The following ACSL6 variants were observed in gnomAD, a reference collection of about 807,000 sequenced individuals.
The protein encoded by ACSL6 is long-chain-fatty-acid--CoA ligase 6.
ACSL6 carries 47 observed loss-of-function variants against 98.2 expected under a neutral mutation model. That is an observed-to-expected ratio of 0.48 (90% confidence interval 0.38 to 0.61). The LOEUF (loss-of-function observed/expected upper bound fraction) is 0.61. Among genes scored for constraint, ACSL6 ranks in the 20% least tolerant of loss-of-function variants. The pLI, the probability that ACSL6 is intolerant of heterozygous loss-of-function variation, is 0.00. For synonymous variants in ACSL6, 362 were observed against 336.9 expected (o/e 1.07, Z -0.82); for missense variants, 761 against 913.4 (o/e 0.83, Z 2.15).
intron 2 of ACSL6, among the ~76,000 whole-genome samples, chr5:131,992,395 T>TG (rs1754573127): frequency 6.6e-6 from 1 of 152,174 alleles, no homozygotes; most frequent in African/African-American, 2.4e-5. Flanking sequence ...CTGTCTGATC[T>TG]GGGCCCCTCT....
intron 20 of ACSL6, 144 bp from the exon 21 acceptor site, chr5:131,954,515 T>C: frequency 1.0e-6 from 1 of 965,542 alleles, no homozygotes; most frequent in East Asian, 3.0e-5. Context: ...TGAGAACATT[T>C]CAGCCTATTT....
intron 19 of ACSL6, 47 bp downstream of exon 19, chr5:131,960,473 C>A: frequency 6.6e-7 from 1 of 1,514,104 alleles, no homozygotes; most frequent in South Asian, 1.2e-5. Context: ...TATGTGGTAC[C>A]ATAAAACATT....
At position 131,975,362 on chromosome 5, in the gene ACSL6, C is replaced by T. The variant is rs147532037; in HGVS notation, c.991-392G>A. 8.4e-4 allele frequency: 824 copies of T among 985,402 alleles called. 7 individuals carry two copies. The African/African-American group carries it at 0.013, about 16-fold the overall frequency. 61.0% of individuals were successfully genotyped at this position (985,402 alleles called of 1,614,324 possible). A position where few individuals can be genotyped will look rare whatever the true frequency, so the allele number is the denominator to read the frequency against. ...CACTTGCAGTCAGTCGGCTCTAGCC[C>T]GGCTCTCTCCCCTTCCTCCCCACAC... On this transcript the variant is annotated intron_variant, in intron 10 of 20. Coordinates refer to ENST00000651883, the MANE Select transcript of ACSL6 (RefSeq NM_001009185.3).
At chr5:131,983,043 T>C (rs1753986022) in intron 9 of ACSL6, 2 of 152,192 alleles carry the variant, frequency 1.3e-5, no homozygotes, top group South Asian at 4.1e-4. Context: ...ACACATAGAC[T>C]GAAAGTTATG....
At position 131,950,723 on chromosome 5, in the gene ACSL6, G is replaced by T; in HGVS notation, c.*3511C>A. The T allele has an allele frequency of 5.2e-6, 1 of 192,290 alleles. No individual in the cohort carries two copies. The allele number at this position is 192,290 out of a possible 1,614,324, so 11.9% of individuals were successfully genotyped here. On this transcript the variant is annotated 3_prime_UTR_variant, in exon 21 of 21. Transcript: ENST00000651883. Reference sequence around the variant, plus strand: ...TGCTTCATACATTTGGAAAATAAAGGATATTTCATTTTCTTTACTGCAGAA... The same window carrying T: ...TGCTTCATACATTTGGAAAATAAAGTATATTTCATTTTCTTTACTGCAGAA...
intron 6 of ACSL6, chr5:131,988,494 T>G: frequency 6.3e-7 from 1 of 1,586,248 alleles, no homozygotes; most frequent in Non-Finnish European, 8.6e-7. Flanking sequence ...CCCAGGTCTG[T>G]TTGAGATATT....
chr5:131,967,061 G>A (rs1753050206), intron 16 of ACSL6, among the ~76,000 whole-genome samples: 2 of 152,146 alleles, frequency 1.3e-5, no homozygotes, highest in South Asian at 4.1e-4. Context: ...TACAAAATTT[G>A]GGGCTGGGCA....
chr5:131,993,965 C>G, intron 2 of ACSL6, 66 bp downstream of exon 2: 3 of 1,538,654 alleles, frequency 1.9e-6, no homozygotes, highest in Non-Finnish European at 8.9e-7. Flanking sequence ...AGTCTGGCTT[C>G]TACTTCCAAG....
chr5:131,994,407 G>T, intron 1 of ACSL6, 156 bp from the exon 2 acceptor site: 3 of 642,410 alleles, frequency 4.7e-6, no homozygotes, highest in Non-Finnish European at 8.0e-6. Flanking sequence ...TGGCTACCTA[G>T]AAGGGCTTTT....
rs1442122281 is a variant in ACSL6 at position 131,952,676 on chromosome 5, A to G, written c.*1558T>C. On this transcript the variant is annotated 3_prime_UTR_variant, in exon 21 of 21. Coordinates refer to ENST00000651883, the MANE Select transcript of ACSL6 (RefSeq NM_001009185.3). ...TTGGAACTTAATTGCTGTCCATGGTATCTGGCCTTTAATTATAAGAAATTG... is the reference window on the plus strand; with the variant it reads ...TTGGAACTTAATTGCTGTCCATGGTGTCTGGCCTTTAATTATAAGAAATTG... 1 of 214,870 alleles carries G rather than the reference A, an allele frequency of 4.7e-6. No individual in the cohort carries two copies. The highest frequency in any genetic ancestry group is 9.4e-6 in the Non-Finnish European group (1 of 106,640). The allele number at this position is 214,870 out of a possible 1,614,324, so 13.3% of individuals were successfully genotyped here. A position where few individuals can be genotyped will look rare whatever the true frequency, so the allele number is the denominator to read the frequency against.
chr5:132,011,615 C>T lies in ACSL6; in HGVS notation c.-62G>A, dbSNP rs957266916. 8.8e-5 allele frequency: 122 copies of T among 1,388,458 alleles called. No individual in the cohort carries two copies. Among genetic ancestry groups the T allele is most frequent in the Non-Finnish European group, 1.0e-4 (110 of 1,073,250 alleles). 86.0% of individuals were successfully genotyped at this position (1,388,458 alleles called of 1,614,324 possible). Reference sequence around the variant, plus strand: ...TCCCCGACCCGCAGCCCCGCAGCCCCGCAGCCCAGCAGCCCCAGCAGTAGC... The same window carrying T: ...TCCCCGACCCGCAGCCCCGCAGCCCTGCAGCCCAGCAGCCCCAGCAGTAGC... On this transcript the variant is annotated 5_prime_UTR_variant, in exon 1 of 21. Transcript: ENST00000651883. This position sits in a 1 kb window ranked among gnomAD's most constrained non-coding sequence, Gnocchi z 5.4.
chr5:131,975,574 A>T lies in ACSL6; in HGVS notation c.991-604T>A, dbSNP rs530395762. 1.3e-5 allele frequency: 13 copies of T among 983,504 alleles called. No homozygotes were observed. The Admixed American group carries it at 6.8e-4, about 51-fold the overall frequency. 60.9% of individuals were successfully genotyped at this position (983,504 alleles called of 1,614,324 possible). On this transcript the variant is annotated intron_variant, in intron 10 of 20. Transcript: ENST00000651883. ...GAGGAGGAGACAAGGCCAAACCCCA[A>T]ACACTGGCTGAGCCTGGCCTCACAA... is the stretch of plus-strand genomic sequence containing the variant.
intron 5 of ACSL6, 107 bp from the exon 6 acceptor site, chr5:131,989,011 G>T: frequency 1.0e-6 from 1 of 966,284 alleles, no homozygotes; most frequent in African/African-American, 1.6e-5. Flanking sequence ...TATGCCTGTG[G>T]CAAGGAATCC....
chr5:131,972,294 A>C (rs949563914), intron 13 of ACSL6, among the ~76,000 whole-genome samples: 1 of 152,176 alleles, frequency 6.6e-6, no homozygotes, highest in African/African-American at 2.4e-5. Context: ...CTGGTGTGGG[A>C]GATACTAAAG....
chr5:131,994,194 C>T lies in ACSL6; in HGVS notation c.107G>A (p.Arg36Gln), dbSNP rs761782775. ...MQTQEILRIL[R>Q]LPELGDLGQF... is the part of the protein sequence containing the mutation. Reference sequence around the variant, plus strand: ...TCCCAAGTCACCTAGCTCAGGCAGTCGCAGTATCCTCAGGATCTCCTGTGT... The same window carrying T: ...TCCCAAGTCACCTAGCTCAGGCAGTTGCAGTATCCTCAGGATCTCCTGTGT... Residue 36 changes from arginine to glutamine, a missense_variant, in exon 2 of 21, where the codon CGA (arginine) becomes CAA (glutamine). Coordinates refer to ENST00000651883, the MANE Select transcript of ACSL6 (RefSeq NM_001009185.3). 34 of 1,613,998 alleles carry T rather than the reference C, an allele frequency of 2.1e-5. No individual in the cohort carries two copies. Among genetic ancestry groups the T allele is most frequent in the African/African-American group, 1.1e-4 (8 of 74,932 alleles).
At chr5:131,967,522 A>C (rs1390546987) in intron 16 of ACSL6, among the ~76,000 whole-genome samples, 1 of 151,920 alleles carries the variant, frequency 6.6e-6, no homozygotes, top group Admixed American at 6.6e-5. Flanking sequence ...AAAATTAGCC[A>C]GGTGTGGTGG....
At position 131,987,438 on chromosome 5, in the gene ACSL6, A is replaced by G. The variant is rs1401397956; in HGVS notation, c.832-584T>C. Among the ~76,000 whole-genome samples, 8 of 148,434 alleles carry G rather than the reference A, an allele frequency of 5.4e-5. No homozygotes were observed. In the Admixed American group the frequency reaches 5.5e-4, roughly 10 times the overall value. On this transcript the variant is annotated intron_variant, in intron 7 of 20. Transcript: ENST00000651883. ...GGGAGGGGTACAATGCATAGGCATT[A>G]CCAGTAGAGTGGGGAGCACATAGGG...
At chr5:131,959,866 G>T (rs1752607582) in intron 19 of ACSL6, 3 of 496,714 alleles carry the variant, frequency 6.0e-6, no homozygotes, top group Non-Finnish European at 1.1e-5. Flanking sequence ...GCAGGCTTTT[G>T]GTCAGCCTGG....
chr5:132,008,409 G>C (rs1462667782), intron 1 of ACSL6, among the ~76,000 whole-genome samples: 1 of 152,188 alleles, frequency 6.6e-6, no homozygotes, highest in Non-Finnish European at 1.5e-5. Context: ...CCCCACCAGG[G>C]CCAGCCCCAC....
Sources: allele counts gnomAD v4.1 joint callset (sites outside exome capture counted in the v4.1 genomes callset), GRCh38; gene constraint gnomAD v4.1.1; non-coding constraint Gnocchi (gnomAD v3.1); transcripts MANE v1.5; gene names NCBI Gene and HGNC (gene_info 2026-07-23, HGNC 2026-07-21).